Variants in MAP2K2 observed in about 807,000 individuals in gnomAD.
MAP2K2 encodes dual specificity mitogen-activated protein kinase kinase 2.
In MAP2K2, 24 loss-of-function variants were observed where a neutral mutation model predicts 43.7. That is an observed-to-expected ratio of 0.55 (90% confidence interval 0.40 to 0.77). MAP2K2 has a LOEUF of 0.77. MAP2K2 is among the 30% of genes least tolerant of loss of function. MAP2K2 has a pLI of 0.00. For missense variants in MAP2K2, 470 were observed against 566.8 expected, an observed-to-expected ratio of 0.83 and a Z score of 1.73; for synonymous variants, 244 against 239.7, an observed-to-expected ratio of 1.02 and a Z score of -0.17.
chr19:4,109,988 A>G lies in MAP2K2; in HGVS notation c.450+521T>C, dbSNP rs540841539. Among the ~76,000 whole-genome samples the G allele has an allele frequency of 7.8e-3, 1,195 of 152,238 alleles. 9 individuals are homozygous for G. The highest frequency in any genetic ancestry group is 0.013 in the Non-Finnish European group (888 of 68,020). ...CAGCAAGAGAAAAAGCAAAGCTGGGAGGAAGACATGAGTGCTTAAAAAACA... is the reference window on the plus strand; with the variant it reads ...CAGCAAGAGAAAAAGCAAAGCTGGGGGGAAGACATGAGTGCTTAAAAAACA... On this transcript the variant is annotated intron_variant, in intron 3 of 10. Transcript: ENST00000262948.
intron 8 of MAP2K2, among the ~76,000 whole-genome samples, chr19:4,096,189 C>T (rs555119297): frequency 2.2e-3 from 334 of 152,294 alleles, no homozygotes; most frequent in African/African-American, 7.3e-3. Context: ...GCCTTTCCCG[C>T]GCAGGGGCAG....
intron 9 of MAP2K2, chr19:4,095,053 G>C (rs2040897147): frequency 2.7e-6 from 1 of 373,922 alleles, no homozygotes; most frequent in African/African-American, 2.0e-5. Flanking sequence ...GAACCTGCGG[G>C]CGGATCCCGG....
intron 8 of MAP2K2, 63 bp from the exon 9 acceptor site, chr19:4,095,512 C>CCTCT: frequency 1.5e-6 from 2 of 1,351,916 alleles, no homozygotes; most frequent in Non-Finnish European, 2.1e-6. Context: ...CGGCTGCAGC[C>CCTCT]CTCTCTACCC....
intron 9 of MAP2K2, 149 bp downstream of exon 9, chr19:4,095,239 G>C (rs2040900336): frequency 1.5e-6 from 1 of 678,144 alleles, no homozygotes; most frequent in Admixed American, 2.5e-5. Context: ...TCTGGGAAAA[G>C]GAATCTGGCT....
chr19:4,095,069 CCA>C (rs1239738831), intron 9 of MAP2K2: 3 of 377,888 alleles, frequency 7.9e-6, no homozygotes, highest in African/African-American at 4.1e-5. Flanking sequence ...CCCGGGGAGC[CCA>C]CAGTCAGCAC....
chr19:4,094,670 G>A (rs1397274932), intron 9 of MAP2K2, 172 bp from the exon 10 acceptor site: 7 of 656,288 alleles, frequency 1.1e-5, no homozygotes, highest in East Asian at 8.2e-5. Context: ...GGCAGAGGAC[G>A]AGGGATCCAC....
At chr19:4,110,388 T>C in intron 3 of MAP2K2, 121 bp downstream of exon 3, 1 of 1,209,642 alleles carries the variant, frequency 8.3e-7, no homozygotes, top group Non-Finnish European at 1.2e-6. Context: ...TTGAGAAGGA[T>C]CCCCTGGAAG....
rs2041089725 is a variant in MAP2K2 at position 4,106,740 on chromosome 19, C to T, written c.450+3769G>A. ...TTTATTTTCTACAACCACCCCTCCA[C>T]TACATGAATAGTGTTGTACTGTGGG... On this transcript the variant is annotated intron_variant, in intron 3 of 10. Transcript: ENST00000262948. 1.3e-5 allele frequency among the ~76,000 whole-genome samples: 2 copies of T among 152,212 alleles called. 1 individual carries two copies. Among genetic ancestry groups the T allele is most frequent in the South Asian group, 4.1e-4 (2 of 4,836 alleles).
chr19:4,094,607 G>C, intron 9 of MAP2K2, 109 bp from the exon 10 acceptor site: 1 of 1,030,848 alleles, frequency 9.7e-7, no homozygotes, highest in Non-Finnish European at 1.5e-6. Context: ...AGGGGGCCTG[G>C]ATCTCTCCGA....
Position 4,117,406 on chromosome 19 carries a change from C to A in MAP2K2, c.303+13G>T. The A allele has an allele frequency of 6.2e-7, 1 of 1,611,656 alleles. No homozygotes were observed. The highest frequency in any genetic ancestry group is 8.5e-7 in the Non-Finnish European group (1 of 1,179,890). The stretch of plus-strand genomic sequence containing the variant: ...CCACCACTCCCCGACCTCCCCGACC[C>A]CGCAGTGCTCACCTTCCTGGCCATG... On this transcript the variant is annotated intron_variant, in intron 2 of 10. Coordinates refer to ENST00000262948, the MANE Select transcript of MAP2K2 (RefSeq NM_030662.4).
At chr19:4,104,236 G>A (rs756558091) in intron 3 of MAP2K2, among the ~76,000 whole-genome samples, 5 of 143,530 alleles carry the variant, frequency 3.5e-5, no homozygotes, top group Non-Finnish European at 6.0e-5. Context: ...CTTCTCTCTC[G>A]CCTGGGCGAG....
intron 2 of MAP2K2, among the ~76,000 whole-genome samples, chr19:4,114,527 G>A (rs1010043883): frequency 1.3e-5 from 2 of 152,206 alleles, no homozygotes; most frequent in South Asian, 2.1e-4. Context: ...AGCCCCACAC[G>A]CGTAACAAGC....
chr19:4,116,797 G>A (rs576472995), intron 2 of MAP2K2, among the ~76,000 whole-genome samples: 1 of 151,944 alleles, frequency 6.6e-6, no homozygotes, highest in South Asian at 2.1e-4. Context: ...GGGCCTGGTG[G>A]TGTGTGCCTG....
At chr19:4,096,490 G>A (rs2040919575) in intron 8 of MAP2K2, among the ~76,000 whole-genome samples, 1 of 152,208 alleles carries the variant, frequency 6.6e-6, no homozygotes, top group South Asian at 2.1e-4. Flanking sequence ...CTCCCTGACA[G>A]CTGCAGGCCT....
Position 4,115,064 on chromosome 19 carries a change from A to G in MAP2K2, c.303+2355T>C, listed in dbSNP as rs1441735669. On this transcript the variant is annotated intron_variant, in intron 2 of 10. Transcript: ENST00000262948. This position sits in a 1 kb window ranked among gnomAD's most constrained non-coding sequence, Gnocchi z 4.1. ...TCCTCTCCCACCCGAGTTTTCGGGCACTTTAAAGAAAACCTAATTTTGAAA... is the reference window on the plus strand; with the variant it reads ...TCCTCTCCCACCCGAGTTTTCGGGCGCTTTAAAGAAAACCTAATTTTGAAA... 6.6e-6 allele frequency among the ~76,000 whole-genome samples: 1 copy of G among 152,208 alleles called. No individual in the cohort carries two copies. Among genetic ancestry groups the G allele is most frequent in the African/African-American group, 2.4e-5 (1 of 41,450 alleles).
At position 4,108,418 on chromosome 19, in the gene MAP2K2, A is replaced by AT. The variant is rs71166960; in HGVS notation, c.450+2090dup. ...ACCATGCCTGGCTAATTTTTTTTGT[A>AT]TTTTTTTTTTTTTTTTTAGTAGAGA... is the stretch of plus-strand genomic sequence containing the variant. On this transcript the variant is annotated intron_variant, in intron 3 of 10. Coordinates refer to ENST00000262948, the MANE Select transcript of MAP2K2 (RefSeq NM_030662.4). Among the ~76,000 whole-genome samples the AT allele has an allele frequency of 3.4e-3, 442 of 128,254 alleles. 4 individuals are homozygous for AT. The highest frequency in any genetic ancestry group is 6.7e-3 in the East Asian group (30 of 4,494). 84.1% of individuals were successfully genotyped at this position (128,254 alleles called of 152,430 possible).
chr19:4,094,709 AC>A (rs1461669930), intron 9 of MAP2K2: 7 of 581,946 alleles, frequency 1.2e-5, no homozygotes, highest in Admixed American at 2.9e-5. Context: ...GGGGCAGGAC[AC>A]CCCCCAGCGG....
chr19:4,097,852 T>C (rs966409695), intron 7 of MAP2K2, among the ~76,000 whole-genome samples: 1 of 152,050 alleles, frequency 6.6e-6, no homozygotes, highest in Non-Finnish European at 1.5e-5. Flanking sequence ...CTTCTGCCCG[T>C]CCTGAAATGG....
At chr19:4,096,197 C>T (rs2040915180) in intron 8 of MAP2K2, among the ~76,000 whole-genome samples, 2 of 152,204 alleles carry the variant, frequency 1.3e-5, no homozygotes, top group South Asian at 4.1e-4. Context: ...CGCGCAGGGG[C>T]AGGGGCGGGA....
Sources: gnomAD v4.1 joint callset for allele counts (sites outside exome capture counted in the v4.1 genomes callset) on GRCh38, gnomAD v4.1.1 for gene constraint, Gnocchi (gnomAD v3.1) non-coding constraint, MANE v1.5 for transcripts, NCBI Gene and HGNC (gene_info 2026-07-23, HGNC 2026-07-21) for gene names.